Variants in PHTF2 observed in about 807,000 individuals in gnomAD.
PHTF2 encodes the protein protein PHTF2.
In PHTF2, 60 loss-of-function variants were observed where a neutral mutation model predicts 101.2. The observed-to-expected ratio is 0.59, with a 90% CI of 0.48 to 0.73. The LOEUF (loss-of-function observed/expected upper bound fraction) is 0.73. PHTF2 is among the 30% of genes least tolerant of loss of function. The pLI is 0.00. For missense variants in PHTF2, 747 were observed against 908.7 expected (o/e 0.82, Z 2.29); for synonymous variants, 311 against 307.3 (o/e 1.01, Z -0.13).
At chr7:77,858,715 A>G (rs1364177188) in intron 3 of PHTF2, among the ~76,000 whole-genome samples, 5 of 151,722 alleles carry the variant, frequency 3.3e-5, no homozygotes. Context: ...TAACAATGAC[A>G]GGAATGATGA....
chr7:77,832,687 A>G (rs746354022), intron 1 of PHTF2, among the ~76,000 whole-genome samples: 15 of 152,014 alleles, frequency 9.9e-5, no homozygotes, highest in Non-Finnish European at 2.1e-4. Context: ...GACATAAACA[A>G]TACACTTTGG....
intron 1 of PHTF2, among the ~76,000 whole-genome samples, chr7:77,835,469 C>T (rs544908063): frequency 2.6e-5 from 4 of 152,080 alleles, no homozygotes; most frequent in Admixed American, 6.5e-5. Context: ...AAATTTGTTT[C>T]AGAATAATGA....
intron 3 of PHTF2, among the ~76,000 whole-genome samples, chr7:77,892,215 A>G (rs1800494681): frequency 6.6e-6 from 1 of 152,140 alleles, no homozygotes. Flanking sequence ...ACTTGAACCC[A>G]GGAGGCGGAG....
At chr7:77,888,282 T>C (rs1228744283) in intron 3 of PHTF2, among the ~76,000 whole-genome samples, 1 of 152,068 alleles carries the variant, frequency 6.6e-6, no homozygotes, top group African/African-American at 2.4e-5. Context: ...GCCCAGCTAA[T>C]TTTTTGTATT....
chr7:77,864,229 C>G (rs1179925674), intron 3 of PHTF2, among the ~76,000 whole-genome samples: 3 of 152,198 alleles, frequency 2.0e-5, no homozygotes, highest in Non-Finnish European at 4.4e-5. Flanking sequence ...ATTTTTTCCT[C>G]TAGTCACCAT....
intron 2 of PHTF2, among the ~76,000 whole-genome samples, chr7:77,846,377 A>C (rs1210896447): frequency 6.6e-6 from 1 of 152,188 alleles, no homozygotes; most frequent in Non-Finnish European, 1.5e-5. Flanking sequence ...CCTAAAAACA[A>C]CCAATAATAA....
At chr7:77,860,257 T>G (rs761680367) in intron 3 of PHTF2, among the ~76,000 whole-genome samples, 1 of 152,224 alleles carries the variant, frequency 6.6e-6, no homozygotes, top group Non-Finnish European at 1.5e-5. Flanking sequence ...TGAGTCGACA[T>G]GTGCAGTTTA....
At chr7:77,909,684 A>C (rs1359376492) in intron 8 of PHTF2, 3 of 152,268 alleles carry the variant, frequency 2.0e-5, no homozygotes, top group African/African-American at 4.8e-5. Context: ...TTCTGTTTGA[A>C]TCTGTTTAAT....
intron 1 of PHTF2, among the ~76,000 whole-genome samples, chr7:77,802,137 C>G (rs538686994): frequency 1.9e-4 from 29 of 152,202 alleles, no homozygotes; most frequent in Middle Eastern, 3.4e-3. Flanking sequence ...CAGGAAGAGG[C>G]AGAGTCTCAG....
intron 3 of PHTF2, among the ~76,000 whole-genome samples, chr7:77,873,995 G>T (rs765291469): frequency 6.6e-6 from 1 of 152,172 alleles, no homozygotes; most frequent in Non-Finnish European, 1.5e-5. Context: ...CTGAAGCCAG[G>T]AGATAGAATC....
chr7:77,870,081 T>C (rs1440875742), intron 3 of PHTF2, among the ~76,000 whole-genome samples: 1 of 152,146 alleles, frequency 6.6e-6, no homozygotes, highest in African/African-American at 2.4e-5. Context: ...AGAAGCTTTT[T>C]AGTTTCATGT....
chr7:77,900,559 T>A lies in PHTF2; in HGVS notation c.217-152T>A, dbSNP rs572179230. 3 of 623,548 alleles carry A rather than the reference T, an allele frequency of 4.8e-6. No homozygotes were observed. The South Asian group carries it at 5.3e-5, about 11-fold the overall frequency. 38.6% of individuals were successfully genotyped at this position (623,548 alleles called of 1,614,324 possible). A position where few individuals can be genotyped will look rare whatever the true frequency, so the allele number is the denominator to read the frequency against. ...AATAAAATTTATTACAATACTGTAA[T>A]TGTGTTCTGTTTGTAACAAATGCAT... On this transcript the variant is annotated intron_variant, in intron 5 of 19. Transcript: ENST00000416283.
intron 1 of PHTF2, among the ~76,000 whole-genome samples, chr7:77,837,541 A>C (rs186155851): frequency 6.6e-6 from 1 of 152,348 alleles, no homozygotes; most frequent in East Asian, 1.9e-4. Context: ...AAAAACTATT[A>C]AATGAGTTTG....
chr7:77,850,324 G>A (rs1331334076), intron 2 of PHTF2, among the ~76,000 whole-genome samples: 1 of 122,902 alleles, frequency 8.1e-6, no homozygotes, highest in Non-Finnish European at 1.6e-5. Flanking sequence ...TGCCACCACT[G>A]CACTCTAGCC....
Position 77,935,118 on chromosome 7 carries a change from A to AT in PHTF2, c.1339-2590dup, listed in dbSNP as rs1369938117. On this transcript the variant is annotated intron_variant, in intron 12 of 19. Coordinates refer to ENST00000416283, the Ensembl canonical transcript of PHTF2. ...TCAACAAGACTGTTTTTCAGTGTAC[A>AT]TTCCCCCCCCCCACACACACACACA... Among the ~76,000 whole-genome samples, 234 of 84,580 alleles carry AT rather than the reference A, an allele frequency of 2.8e-3. 3 individuals carry two copies. Among genetic ancestry groups the AT allele is most frequent in the African/African-American group, 0.011 (189 of 17,150 alleles). The allele number at this position is 84,580 out of a possible 152,430, so 55.5% of individuals were successfully genotyped here.
intron 5 of PHTF2, among the ~76,000 whole-genome samples, chr7:77,899,249 CAT>C (rs1479175511): frequency 6.6e-6 from 1 of 152,086 alleles, no homozygotes; most frequent in Non-Finnish European, 1.5e-5. Flanking sequence ...ATGTGAAAAA[CAT>C]AACAAATAAA....
intron 1 of PHTF2, among the ~76,000 whole-genome samples, chr7:77,811,832 T>G (rs1793466820): frequency 6.6e-6 from 1 of 152,200 alleles, no homozygotes; most frequent in Non-Finnish European, 1.5e-5. Context: ...GAGGAGTCTT[T>G]GTTTCTAGGC....
intron 16 of PHTF2, 109 bp downstream of exon 15, chr7:77,942,895 T>C (rs1805744978): frequency 3.4e-6 from 2 of 585,886 alleles, no homozygotes; most frequent in Non-Finnish European, 5.6e-6. Flanking sequence ...AAAGTAAGTT[T>C]TGAAGTTACC....
chr7:77,854,792 C>T (rs192650070), exon 3 of PHTF2: 32 of 753,442 alleles, frequency 4.2e-5, no homozygotes, highest in Admixed American at 2.4e-4. Flanking sequence ...CTGGCTACTG[C>T]CAGTGTTCAC....
Sources: gnomAD v4.1 joint callset for allele counts (sites outside exome capture counted in the v4.1 genomes callset) on GRCh38, gnomAD v4.1.1 for gene constraint, MANE v1.5 for transcripts, NCBI Gene and HGNC (gene_info 2026-07-23, HGNC 2026-07-21) for gene names.